LAPTM5: variants seen among roughly 807,000 people sequenced by gnomAD.
The protein encoded by LAPTM5 is lysosomal protein transmembrane 5, also known as lysosomal-associated transmembrane protein 5.
In LAPTM5, 11 loss-of-function variants were observed where a neutral mutation model predicts 30.1. That is an observed-to-expected ratio of 0.37 (90% CI 0.23 to 0.60). LAPTM5 has a LOEUF of 0.60. Among genes scored for constraint, LAPTM5 ranks in the 20% least tolerant of loss-of-function variants. LAPTM5 has a pLI of 0.71. For missense variants in LAPTM5, 324 were observed against 332.5 expected (o/e 0.97, Z 0.20); for synonymous variants, 151 against 137.9 (o/e 1.10, Z -0.67).
In LAPTM5 at chr1:30,757,227, G is replaced by C. The variant is rs369821802; in HGVS notation, c.87+432C>G. ...AGGCCCCAGGGGAAGAATCGGGGCTGTGTCTGCGGCCGACCTCACATCCCG... is the reference window on the plus strand; with the variant it reads ...AGGCCCCAGGGGAAGAATCGGGGCTCTGTCTGCGGCCGACCTCACATCCCG... On this transcript the variant is annotated intron_variant, in intron 1 of 7. Coordinates refer to ENST00000294507, the MANE Select transcript of LAPTM5 (RefSeq NM_006762.3). Among the ~76,000 whole-genome samples the C allele has an allele frequency of 2.0e-5, 3 of 152,362 alleles. No individual in the cohort carries two copies. The South Asian group carries it at 6.2e-4, about 32-fold the overall frequency.
chr1:30,736,867 C>T (rs1032463211), intron 6 of LAPTM5, among the ~76,000 whole-genome samples: 3 of 152,176 alleles, frequency 2.0e-5, no homozygotes, highest in African/African-American at 7.2e-5. Flanking sequence ...CCATTGTGGC[C>T]TCTAGGATCC....
At chr1:30,742,190 T>C (rs1363281592) in intron 2 of LAPTM5, 1 of 528,006 alleles carries the variant, frequency 1.9e-6, no homozygotes, top group Non-Finnish European at 3.4e-6. Context: ...AGCAGAAGAG[T>C]GAGGCTATCA....
At chr1:30,748,461 C>A (rs1313998381) in intron 1 of LAPTM5, among the ~76,000 whole-genome samples, 1 of 152,180 alleles carries the variant, frequency 6.6e-6, no homozygotes, top group East Asian at 1.9e-4. Context: ...GAAGCTCAGT[C>A]CCCTCAACCT....
chr1:30,753,767 A>G lies in LAPTM5; in HGVS notation c.87+3892T>C, dbSNP rs937146041. On this transcript the variant is annotated intron_variant, in intron 1 of 7. Transcript: ENST00000294507. ...AAATAGGGGTGAAGCACTGACTTTA[A>G]TAACAGCCCACGAATATTCATTCAC... 3.3e-5 allele frequency among the ~76,000 whole-genome samples: 5 copies of G among 152,208 alleles called. No homozygotes were observed. In the South Asian group the frequency reaches 1.0e-3, roughly 32 times the overall value.
intron 1 of LAPTM5, 27 bp downstream of exon 1, chr1:30,757,632 A>G (rs1640230654): frequency 6.2e-7 from 1 of 1,608,394 alleles, no homozygotes; most frequent in East Asian, 2.2e-5. Context: ...GCACGCACGC[A>G]CACACACCCG....
chr1:30,742,073 G>A, intron 2 of LAPTM5: 1 of 367,178 alleles, frequency 2.7e-6, no homozygotes, highest in East Asian at 6.3e-5. Flanking sequence ...AAGGTGTGGG[G>A]TGGAGAATCG....
intron 5 of LAPTM5, 60 bp from the exon 6 acceptor site, chr1:30,737,759 C>T (rs900163148): frequency 2.7e-6 from 3 of 1,100,138 alleles, no homozygotes; most frequent in Admixed American, 3.5e-5. Context: ...CAACAGCACC[C>T]ACACATCCGG....
intron 6 of LAPTM5, 54 bp downstream of exon 6, chr1:30,737,550 G>T: frequency 7.4e-7 from 1 of 1,356,986 alleles, no homozygotes; most frequent in Non-Finnish European, 1.1e-6. Flanking sequence ...GCAGGCCTGG[G>T]CCCAGCACAG....
intron 1 of LAPTM5, among the ~76,000 whole-genome samples, chr1:30,754,126 G>A (rs1640176920): frequency 6.6e-6 from 1 of 152,182 alleles, no homozygotes; most frequent in African/African-American, 2.4e-5. Flanking sequence ...GAGGGGTCAG[G>A]AAGAAAGAGA....
At chr1:30,737,752 C>T (rs1397926600) in intron 5 of LAPTM5, 53 bp from the exon 6 acceptor site, 8 of 1,142,134 alleles carry the variant, frequency 7.0e-6, no homozygotes, top group Non-Finnish European at 1.1e-5. Flanking sequence ...GGAATTCCAA[C>T]AGCACCCACA....
rs1046167047 is a variant in LAPTM5 at position 30,749,789 on chromosome 1, C to T, written c.88-7240G>A. 5.3e-5 allele frequency among the ~76,000 whole-genome samples: 8 copies of T among 152,276 alleles called. No homozygotes were observed. In the East Asian group the frequency reaches 1.2e-3, roughly 22 times the overall value. Reference sequence around the variant, plus strand: ...TGAGCAGAGGCCAGTGTGCATGAGACGCATTCAGGAAACGGCAAGACGTTC... The same window carrying T: ...TGAGCAGAGGCCAGTGTGCATGAGATGCATTCAGGAAACGGCAAGACGTTC... On this transcript the variant is annotated intron_variant, in intron 1 of 7. Transcript: ENST00000294507.
chr1:30,743,795 G>GTTTTTTTTT (rs756356075), intron 1 of LAPTM5, among the ~76,000 whole-genome samples: 4 of 107,848 alleles, frequency 3.7e-5, no homozygotes, highest in Non-Finnish European at 7.0e-5. Flanking sequence ...GACTGTGTGG[G>GTTTTTTTTT]TTTTTTTTTT....
chr1:30,751,153 T>A (rs1188348), intron 1 of LAPTM5, among the ~76,000 whole-genome samples: 1 of 152,228 alleles, frequency 6.6e-6, no homozygotes, highest in South Asian at 2.1e-4. Context: ...ACTCTCTGGG[T>A]GGGATGGGCC....
In LAPTM5 at chr1:30,746,490, C is replaced by T. The variant is rs551683693; in HGVS notation, c.88-3941G>A. On this transcript the variant is annotated intron_variant, in intron 1 of 7. Coordinates refer to ENST00000294507, the MANE Select transcript of LAPTM5 (RefSeq NM_006762.3). This position sits in a 1 kb window ranked among gnomAD's most constrained non-coding sequence, Gnocchi z 4.0. Reference sequence around the variant, plus strand: ...CTTCCCCTCATGTCCCCGGTTTCCACCTGGACACAGCGCTGCCTTCTCCCC... The same window carrying T: ...CTTCCCCTCATGTCCCCGGTTTCCATCTGGACACAGCGCTGCCTTCTCCCC... 2.6e-5 allele frequency among the ~76,000 whole-genome samples: 4 copies of T among 152,326 alleles called. No homozygotes were observed. The highest frequency in any genetic ancestry group is 9.6e-5 in the African/African-American group (4 of 41,574).
chr1:30,753,825 G>T (rs546449784), intron 1 of LAPTM5, among the ~76,000 whole-genome samples: 2 of 152,318 alleles, frequency 1.3e-5, no homozygotes, highest in Non-Finnish European at 2.9e-5. Context: ...CTAACGTTGA[G>T]ACGTTAGCAA....
chr1:30,750,383 T>C (rs111344639), intron 1 of LAPTM5, among the ~76,000 whole-genome samples: 1 of 152,236 alleles, frequency 6.6e-6, no homozygotes, highest in African/African-American at 2.4e-5. Context: ...GGTCCTCTTC[T>C]GAACTTATAC....
At chr1:30,737,447 A>AG (rs376132681) in intron 6 of LAPTM5, among the ~76,000 whole-genome samples, 157 bp downstream of exon 6, 21 of 152,324 alleles carry the variant, frequency 1.4e-4, no homozygotes, top group African/African-American at 4.8e-4. Context: ...GTAAAGTCAG[A>AG]GGAGCTGGCA....
chr1:30,737,806 A>G (rs189831594), intron 5 of LAPTM5, 107 bp from the exon 6 acceptor site: 289 of 699,276 alleles, frequency 4.1e-4, no homozygotes, highest in Non-Finnish European at 5.7e-4. Flanking sequence ...ACACGAGCAC[A>G]GCGTGGCACA....
Position 30,739,801 on chromosome 1 carries a change from G to GT in LAPTM5, c.387+7dup. The GT allele has an allele frequency of 6.3e-7, 1 of 1,591,276 alleles. No individual in the cohort carries two copies. Among genetic ancestry groups the GT allele is most frequent in the Non-Finnish European group, 8.6e-7 (1 of 1,168,280 alleles). ...CTGTCCGGTGAGAGGTGGGGGCTGG[G>GT]TACTCACAGCACGGCTCCGGGAGGC... On this transcript the variant is annotated splice_region_variant and intron_variant, in intron 4 of 7. Coordinates refer to ENST00000294507, the MANE Select transcript of LAPTM5 (RefSeq NM_006762.3). This position sits in a 1 kb window ranked among gnomAD's most constrained non-coding sequence, Gnocchi z 4.2.
Sources: allele counts gnomAD v4.1 joint callset (sites outside exome capture counted in the v4.1 genomes callset), GRCh38; gene constraint gnomAD v4.1.1; non-coding constraint Gnocchi (gnomAD v3.1); transcripts MANE v1.5; gene names NCBI Gene and HGNC (gene_info 2026-07-23, HGNC 2026-07-21).